The following SDK2 variants were observed in gnomAD, a reference collection of about 807,000 sequenced individuals.
The protein encoded by SDK2 is protein sidekick-2.
In SDK2, 105 loss-of-function variants were observed where a neutral mutation model predicts 253.9. The observed-to-expected ratio is 0.41, with a 90% CI of 0.35 to 0.49. The LOEUF is 0.49. Among genes scored for constraint, SDK2 ranks in the 20% least tolerant of loss-of-function variants. The pLI, the probability that SDK2 is intolerant of heterozygous loss-of-function variation, is 0.06. For missense variants in SDK2, 2,608 were observed against 3,003.0 expected, an observed-to-expected ratio of 0.87 and a Z score of 3.07; for synonymous variants, 1,249 against 1,234.9, an observed-to-expected ratio of 1.01 and a Z score of -0.24.
intron 12 of SDK2, among the ~76,000 whole-genome samples, chr17:73,427,294 A>C (rs549252888): frequency 1.7e-4 from 26 of 152,358 alleles, no homozygotes; most frequent in African/African-American, 5.5e-4. Flanking sequence ...CAGCCAGGCC[A>C]ATCCAGAGTG....
At chr17:73,512,292 A>G (rs1005417795) in intron 1 of SDK2, among the ~76,000 whole-genome samples, 1 of 152,200 alleles carries the variant, frequency 6.6e-6, no homozygotes, top group Non-Finnish European at 1.5e-5. Context: ...TATTAACACT[A>G]TTGATCTATA....
At position 73,402,063 on chromosome 17, in the gene SDK2, C is replaced by T. The variant is rs752790641; in HGVS notation, c.2563G>A (p.Val855Met). Residue 855 changes from valine to methionine, a missense_variant, in exon 19 of 45, where the codon GTG (valine) becomes ATG (methionine). Physicochemically the swap from Val to Met is conservative, Grantham distance 21. Transcript: ENST00000392650. ...TTCTTCAGGCCAGACACGAAGCCCACGTGGATGCTGTCTTGAAAGTTAGGC... is the reference window on the plus strand; with the variant it reads ...TTCTTCAGGCCAGACACGAAGCCCATGTGGATGCTGTCTTGAAAGTTAGGC... ...ARPNFQDSIHVGFVSGLKKFT... is the reference protein window; with the variant it reads ...ARPNFQDSIHMGFVSGLKKFT... 9 of 1,614,054 alleles carry T rather than the reference C, an allele frequency of 5.6e-6. No individual in the cohort carries two copies. Among genetic ancestry groups the T allele is most frequent in the South Asian group, 1.1e-5 (1 of 91,088 alleles).
chr17:73,526,234 G>C (rs2064124241), intron 1 of SDK2, among the ~76,000 whole-genome samples: 1 of 152,182 alleles, frequency 6.6e-6, no homozygotes, highest in Non-Finnish European at 1.5e-5. Flanking sequence ...CAGCATGATG[G>C]GGCTGGAGGG....
chr17:73,476,187 A>G lies in SDK2; in HGVS notation c.225-3969T>C, dbSNP rs2063684836. On this transcript the variant is annotated intron_variant, in intron 2 of 44. Transcript: ENST00000392650. ...AGGTAAAGAATAGTGTGATGACATG[A>G]TAGTATTTGCTATGATGCCATTTGG... 2.6e-5 allele frequency among the ~76,000 whole-genome samples: 4 copies of G among 152,266 alleles called. No individual in the cohort carries two copies. In the South Asian group the frequency reaches 8.3e-4, roughly 32 times the overall value.
chr17:73,622,871 C>T (rs1359209013), intron 1 of SDK2, among the ~76,000 whole-genome samples: 1 of 152,218 alleles, frequency 6.6e-6, no homozygotes, highest in Non-Finnish European at 1.5e-5. Flanking sequence ...AATTCAAGGG[C>T]CTTGACCATC....
At chr17:73,441,480 A>G (rs2063415409) in intron 5 of SDK2, among the ~76,000 whole-genome samples, 1 of 152,184 alleles carries the variant, frequency 6.6e-6, no homozygotes, top group Non-Finnish European at 1.5e-5. Flanking sequence ...TCAAGATCCA[A>G]TACGACTGGT....
At chr17:73,378,341 AT>A (rs2062800736) in intron 36 of SDK2, among the ~76,000 whole-genome samples, 1 of 151,822 alleles carries the variant, frequency 6.6e-6, no homozygotes, top group Non-Finnish European at 1.5e-5. Context: ...AGCTCAAGTG[AT>A]CCGCCCACCT....
chr17:73,395,293 C>T lies in SDK2; in HGVS notation c.3454G>A (p.Val1152Met), dbSNP rs1473325223. 6.2e-7 allele frequency: 1 copy of T among 1,613,910 alleles called. No homozygotes were observed. The highest frequency in any genetic ancestry group is 8.5e-7 in the Non-Finnish European group (1 of 1,179,910). ...DGHGKTLSHV[V>M]QDRVERDYTI... ...TAGTCCCGCTCCACACGGTCCTGCA[C>T]CACGTGGCTCAGCGTCTTGCCATGC... Residue 1152 changes from valine to methionine, a missense_variant, in exon 25 of 45, where the codon GTG becomes ATG. Physicochemically the swap from Val to Met is conservative, Grantham distance 21 (BLOSUM62 1). Transcript: ENST00000392650. This position sits in a 1 kb window ranked among gnomAD's most constrained non-coding sequence, Gnocchi z 4.3.
intron 1 of SDK2, among the ~76,000 whole-genome samples, chr17:73,636,217 T>G (rs1218529733): frequency 6.6e-6 from 1 of 151,810 alleles, no homozygotes; most frequent in Non-Finnish European, 1.5e-5. Context: ...CGCTAGAAGG[T>G]CTTGGGTGGT....
intron 36 of SDK2, among the ~76,000 whole-genome samples, chr17:73,378,620 A>T (rs1450655507): frequency 6.6e-6 from 1 of 151,888 alleles, no homozygotes; most frequent in Non-Finnish European, 1.5e-5. Flanking sequence ...GGGTTTCACC[A>T]TGTTGGCCAG....
At chr17:73,531,408 A>AC (rs2064168028) in intron 1 of SDK2, among the ~76,000 whole-genome samples, 1 of 151,834 alleles carries the variant, frequency 6.6e-6, no homozygotes, top group Admixed American at 6.6e-5. Context: ...ACCTCTGACC[A>AC]CCCACTCACC....
chr17:73,411,057 T>TTCCTTCCTCTGCCTCCCCC (rs1443220183), intron 18 of SDK2, among the ~76,000 whole-genome samples: 1 of 152,196 alleles, frequency 6.6e-6, no homozygotes, highest in African/African-American at 2.4e-5. Flanking sequence ...CGGCCTCCCC[T>TTCCTTCCTCTGCCTCCCCC]TCCTTCCTCT....
chr17:73,567,592 C>T (rs1050879528), intron 1 of SDK2, among the ~76,000 whole-genome samples: 3 of 152,374 alleles, frequency 2.0e-5, no homozygotes, highest in South Asian at 4.1e-4. Flanking sequence ...GACTCCAACC[C>T]GTTAAAAACA....
chr17:73,433,791 G>T lies in SDK2; in HGVS notation c.1253C>A (p.Ser418Ter), dbSNP rs2145615161. ...CGAGGTCTCACATGCTAGCACCACT[G>T]ACATGCCATCGATCACCGTGCTGTC... Reference protein sequence around the residue: ...PLDSTVIDGMSVVLACETSGA... With the variant: ...PLDSTVIDGM The change falls in exon 10 of 45, where the codon TCA becomes TAA. Residue 418 changes from serine to a stop codon, truncating the protein, a stop_gained. Transcript: ENST00000392650. LOFTEE classifies it high-confidence loss of function. The T allele has an allele frequency of 6.2e-7, 1 of 1,606,466 alleles. No homozygotes were observed.
chr17:73,594,186 G>A (rs1052508928), intron 1 of SDK2, among the ~76,000 whole-genome samples: 2 of 152,206 alleles, frequency 1.3e-5, no homozygotes, highest in Admixed American at 6.5e-5. Context: ...GCTGAGTGTT[G>A]GACAGCGGGA....
intron 1 of SDK2, among the ~76,000 whole-genome samples, chr17:73,588,510 G>A (rs1411030926): frequency 2.0e-5 from 3 of 151,994 alleles, no homozygotes; most frequent in Admixed American, 2.0e-4. Context: ...TATCCCAGGT[G>A]ATTCTGATGC....
intron 18 of SDK2, among the ~76,000 whole-genome samples, chr17:73,414,046 CTCTT>C (rs1295884147): frequency 6.6e-6 from 1 of 151,382 alleles, no homozygotes; most frequent in African/African-American, 2.4e-5. Flanking sequence ...TTTTCTCTCT[CTCTT>C]CTTTTTTTTT....
chr17:73,371,267 G>A (rs1037538950), intron 36 of SDK2, among the ~76,000 whole-genome samples: 14 of 150,220 alleles, frequency 9.3e-5, no homozygotes, highest in African/African-American at 2.0e-4. Context: ...GTGGTCTTCC[G>A]TGAGTGCACA....
At position 73,643,968 on chromosome 17, in the gene SDK2, C is replaced by CA; in HGVS notation, c.64+56_64+57insT. The stretch of plus-strand genomic sequence containing the variant: ...TGAGGCCGGCCAGCTCCCGCCGCCC[C>CA]TCCCCCGCCCACTCTCCCAGCCCCC... On this transcript the variant is annotated intron_variant, in intron 1 of 44. Transcript: ENST00000392650. The surrounding 1 kb of genome is among the most constrained non-coding windows in gnomAD (Gnocchi z 6.9). The CA allele has an allele frequency of 4.2e-6, 4 of 944,386 alleles. No homozygotes were observed. Among genetic ancestry groups the CA allele is most frequent in the Non-Finnish European group, 6.6e-6 (4 of 609,412 alleles). The allele number at this position is 944,386 out of a possible 1,614,324, so 58.5% of individuals were successfully genotyped here.
Sources: gnomAD v4.1 joint callset for allele counts (sites outside exome capture counted in the v4.1 genomes callset) on GRCh38, gnomAD v4.1.1 for gene constraint, Gnocchi (gnomAD v3.1) non-coding constraint, MANE v1.5 for transcripts, NCBI Gene and HGNC (gene_info 2026-07-23, HGNC 2026-07-21) for gene names.